INPP4B: variants seen among roughly 807,000 people sequenced by gnomAD.
The protein encoded by INPP4B is inositol polyphosphate 4-phosphatase type II.
In INPP4B, 55 loss-of-function variants were observed where a neutral mutation model predicts 122.5. That is an observed-to-expected ratio of 0.45 (90% CI 0.36 to 0.56). The LOEUF (loss-of-function observed/expected upper bound fraction) is 0.56. INPP4B is among the 20% of genes least tolerant of loss of function. INPP4B has a pLI of 0.00. For synonymous variants in INPP4B, 403 were observed against 388.7 expected (o/e 1.04, Z -0.43); for missense variants, 1,000 against 1,097.7 (o/e 0.91, Z 1.26).
chr4:142,238,570 C>G lies in INPP4B; in HGVS notation c.689-559G>C, dbSNP rs573323604. 3.9e-5 allele frequency among the ~76,000 whole-genome samples: 6 copies of G among 152,116 alleles called. No homozygotes were observed. In the East Asian group the frequency reaches 1.2e-3, roughly 29 times the overall value. ...TTCTTACGTGTCAGAAAGGTTCACT[C>G]TTTTGTCTTAAAATCTGTAAAAATT... On this transcript the variant is annotated intron_variant, in intron 11 of 25. Coordinates refer to ENST00000262992, the MANE Select transcript of INPP4B (RefSeq NM_001101669.3).
At chr4:142,442,673 C>G (rs1812073045) in intron 3 of INPP4B, among the ~76,000 whole-genome samples, 1 of 152,164 alleles carries the variant, frequency 6.6e-6, no homozygotes, top group Non-Finnish European at 1.5e-5. Flanking sequence ...ACTAGTAAAA[C>G]AGATGAGGTC....
chr4:142,086,184 T>G lies in INPP4B; in HGVS notation c.2447A>C (p.Lys816Thr). The G allele has an allele frequency of 6.2e-7, 1 of 1,603,054 alleles. No homozygotes were observed. Among genetic ancestry groups the G allele is most frequent in the Non-Finnish European group, 8.5e-7 (1 of 1,170,088 alleles). ...CATAATTTCTACATTCTTTCTTTTT[T>G]TGGATTGGATATTTTGAAGGAGATT... ...LENLLQNIQS[K>T]KRKNVEIMWL... The change falls in exon 24 of 26, where the codon AAA becomes ACA. Residue 816 changes from lysine to threonine, a missense_variant. Physicochemically the swap from Lys to Thr is moderately conservative, Grantham distance 78. Transcript: ENST00000262992.
At chr4:142,472,303 G>A (rs755347518) in intron 2 of INPP4B, among the ~76,000 whole-genome samples, 1 of 149,420 alleles carries the variant, frequency 6.7e-6, no homozygotes, top group Non-Finnish European at 1.5e-5. Flanking sequence ...AGCTACAAAA[G>A]TACTGTAAAG....
chr4:142,203,736 C>T (rs1371228059), intron 14 of INPP4B, among the ~76,000 whole-genome samples: 1 of 152,056 alleles, frequency 6.6e-6, no homozygotes, highest in East Asian at 1.9e-4. Context: ...TACATATTAG[C>T]CTTGTATCTG....
At chr4:142,033,325 C>T (rs1437129215) in intron 25 of INPP4B, among the ~76,000 whole-genome samples, 4 of 152,174 alleles carry the variant, frequency 2.6e-5, no homozygotes, top group Non-Finnish European at 4.4e-5. Context: ...CTCCACTGTG[C>T]CAGCCACACC....
chr4:142,137,961 T>G (rs1805525598), intron 18 of INPP4B, among the ~76,000 whole-genome samples: 1 of 152,112 alleles, frequency 6.6e-6, no homozygotes, highest in African/African-American at 2.4e-5. Context: ...GTTCAACCAT[T>G]GTGGAAGTCA....
At chr4:142,491,733 G>GA (rs35172949) in intron 2 of INPP4B, among the ~76,000 whole-genome samples, 1 of 152,172 alleles carries the variant, frequency 6.6e-6, no homozygotes, top group South Asian at 2.1e-4. Context: ...ACAGCTATAT[G>GA]AAAAAAATGC....
chr4:142,307,067 T>C (rs371525496), intron 8 of INPP4B, among the ~76,000 whole-genome samples: 28 of 152,078 alleles, frequency 1.8e-4, no homozygotes, highest in Non-Finnish European at 7.4e-5. Flanking sequence ...AGGCAAAAAA[T>C]AGATTTGTGG....
intron 2 of INPP4B, among the ~76,000 whole-genome samples, chr4:142,514,912 C>T (rs1483990225): frequency 2.0e-5 from 3 of 151,374 alleles, no homozygotes; most frequent in African/African-American, 7.3e-5. Context: ...TCTTCTGCCT[C>T]AGCCTCCTGA....
chr4:142,513,698 C>A (rs1163316929), intron 2 of INPP4B, among the ~76,000 whole-genome samples: 1 of 152,198 alleles, frequency 6.6e-6, no homozygotes, highest in Non-Finnish European at 1.5e-5. Flanking sequence ...TGAGCCACTG[C>A]ACCTGGCCTG....
At chr4:142,376,417 AATG>A (rs971283727) in intron 7 of INPP4B, among the ~76,000 whole-genome samples, 4 of 152,154 alleles carry the variant, frequency 2.6e-5, no homozygotes, top group Admixed American at 1.3e-4. Context: ...GACTTCTTGT[AATG>A]ATGACAGCTA....
chr4:142,770,332 A>G (rs190051282), intron 1 of INPP4B, among the ~76,000 whole-genome samples: 1 of 152,302 alleles, frequency 6.6e-6, no homozygotes, highest in East Asian at 1.9e-4. Context: ...TATAATAAAG[A>G]TAAACATTTA....
rs761349112 is a variant in INPP4B, at chr4:142,208,880, G to C, written c.967+16C>G. The stretch of plus-strand genomic sequence containing the variant: ...ATGCAATTCACTTTGAGTAAGTAGA[G>C]AAATTGCTTCCACACCTGTTTCCTT... On this transcript the variant is annotated intron_variant, in intron 13 of 25. Transcript: ENST00000262992. The C allele has an allele frequency of 4.0e-6, 6 of 1,516,894 alleles. No homozygotes were observed. In the African/African-American group the frequency reaches 8.3e-5, roughly 21 times the overall value. The allele number at this position is 1,516,894 out of a possible 1,614,324, so 94.0% of individuals were successfully genotyped here. A position where few individuals can be genotyped will look rare whatever the true frequency, so the allele number is the denominator to read the frequency against.
intron 2 of INPP4B, among the ~76,000 whole-genome samples, chr4:142,594,505 A>G (rs1738237151): frequency 6.6e-6 from 1 of 152,238 alleles, no homozygotes; most frequent in Non-Finnish European, 1.5e-5. Flanking sequence ...GAGAGAAAGC[A>G]GCTTGCTCCA....
chr4:142,247,725 T>C (rs1729625349), intron 11 of INPP4B, among the ~76,000 whole-genome samples: 1 of 152,126 alleles, frequency 6.6e-6, no homozygotes, highest in Non-Finnish European at 1.5e-5. Context: ...ATTTTGTTAA[T>C]CTTTTCAAAA....
chr4:142,601,132 C>A (rs74392574), intron 2 of INPP4B, among the ~76,000 whole-genome samples: 3 of 152,006 alleles, frequency 2.0e-5, no homozygotes, highest in African/African-American at 7.2e-5. Context: ...CAGCATTAGA[C>A]AGATTATCAG....
At chr4:142,036,108 G>A (rs1302847824) in intron 25 of INPP4B, among the ~76,000 whole-genome samples, 2 of 151,864 alleles carry the variant, frequency 1.3e-5, no homozygotes, top group East Asian at 1.9e-4. Context: ...GTTTATGTCC[G>A]TGGGTGCTAA....
intron 9 of INPP4B, among the ~76,000 whole-genome samples, chr4:142,304,718 A>G (rs1413724620): frequency 1.3e-5 from 2 of 152,158 alleles, no homozygotes; most frequent in Non-Finnish European, 2.9e-5. Context: ...CAATTTTTGT[A>G]TTCATTTATA....
chr4:142,094,910 G>A (rs1423289012), intron 23 of INPP4B, among the ~76,000 whole-genome samples: 2 of 152,176 alleles, frequency 1.3e-5, no homozygotes, highest in Admixed American at 6.5e-5. Context: ...AAATAAAGCT[G>A]TGTTGGAAGG....
Sources: allele counts gnomAD v4.1 joint callset (sites outside exome capture counted in the v4.1 genomes callset), GRCh38; gene constraint gnomAD v4.1.1; transcripts MANE v1.5; gene names NCBI Gene and HGNC (gene_info 2026-07-23, HGNC 2026-07-21).